The following KLHL18 variants were observed in gnomAD, a reference collection of about 807,000 sequenced individuals.
KLHL18 encodes kelch like family member 18.
Under a neutral mutation model 58.5 loss-of-function variants are expected in KLHL18, and 38 were observed. That is an observed-to-expected ratio of 0.65 (90% CI 0.50 to 0.85). The LOEUF (loss-of-function observed/expected upper bound fraction) is 0.85, where lower values mean the gene tolerates loss of function less well. KLHL18 is among the 40% of genes least tolerant of loss of function. The pLI is 0.00. For missense variants in KLHL18, 624 were observed against 778.4 expected (o/e 0.80, Z 2.36); for synonymous variants, 303 against 301.9 (o/e 1.00, Z -0.04).
intron 1 of KLHL18, among the ~76,000 whole-genome samples, chr3:47,312,428 C>T (rs1703323639): frequency 6.6e-6 from 1 of 152,062 alleles, no homozygotes; most frequent in Non-Finnish European, 1.5e-5. Flanking sequence ...GAGATGTATG[C>T]TAAATAGCCT....
chr3:47,318,048 CAG>C (rs1703496246), intron 1 of KLHL18, among the ~76,000 whole-genome samples: 1 of 152,014 alleles, frequency 6.6e-6, no homozygotes, highest in African/African-American at 2.4e-5. Flanking sequence ...ATTGTAGAGA[CAG>C]GGTTTCATCA....
At chr3:47,313,800 A>G (rs998323756) in intron 1 of KLHL18, among the ~76,000 whole-genome samples, 5 of 152,210 alleles carry the variant, frequency 3.3e-5, no homozygotes, top group African/African-American at 1.2e-4. Context: ...TTCCACCAGT[A>G]ACAACCTAAG....
intron 4 of KLHL18, among the ~76,000 whole-genome samples, chr3:47,331,121 G>T (rs1238181574): frequency 6.6e-6 from 1 of 151,928 alleles, no homozygotes; most frequent in African/African-American, 2.4e-5. Context: ...ATCAAGAGGG[G>T]TTGTTGTTTG....
chr3:47,303,116 A>G (rs369598938), intron 1 of KLHL18, among the ~76,000 whole-genome samples: 11 of 152,216 alleles, frequency 7.2e-5, no homozygotes, highest in African/African-American at 2.4e-4. Context: ...GTCATGTACA[A>G]CAGCTGAACA....
At chr3:47,318,960 G>T (rs1703520080) in intron 1 of KLHL18, among the ~76,000 whole-genome samples, 1 of 152,228 alleles carries the variant, frequency 6.6e-6, no homozygotes, top group African/African-American at 2.4e-5. Flanking sequence ...CTGGAGAATA[G>T]AAAGTTCTTA....
At chr3:47,343,143 A>G (rs1031923906) in intron 9 of KLHL18, among the ~76,000 whole-genome samples, 1 of 152,144 alleles carries the variant, frequency 6.6e-6, no homozygotes, top group Non-Finnish European at 1.5e-5. Context: ...AAATTTGCAA[A>G]CAGTTGTATT....
chr3:47,318,017 C>T (rs757089595), intron 1 of KLHL18, among the ~76,000 whole-genome samples: 24 of 151,990 alleles, frequency 1.6e-4, no homozygotes, highest in Non-Finnish European at 2.6e-4. Context: ...TACAGGCATG[C>T]GCCCACTAAT....
chr3:47,282,950 G>C lies in KLHL18; in HGVS notation c.-16G>C, dbSNP rs547823474. 6.2e-7 allele frequency: 1 copy of C among 1,605,324 alleles called. No homozygotes were observed. The highest frequency in any genetic ancestry group is 2.2e-5 in the East Asian group (1 of 44,482). On this transcript the variant is annotated 5_prime_UTR_variant, in exon 1 of 10. Coordinates refer to ENST00000232766, the MANE Select transcript of KLHL18 (RefSeq NM_025010.5). ...GCCGGCCGGCGAGGCCTGCGCAGTT[G>C]CAGCGGCCGGGGAAGATGGTGGAGG...
Position 47,301,805 on chromosome 3 carries a change from CTTCT to C in KLHL18, c.130-17845_130-17842del, listed in dbSNP as rs1178408125. Among the ~76,000 whole-genome samples, 5 of 152,124 alleles carry C rather than the reference CTTCT, an allele frequency of 3.3e-5. No homozygotes were observed. The East Asian group carries it at 7.7e-4, about 23-fold the overall frequency. ...ACTTTGTTTTGTTTTGTTTCTTCTT[CTTCT>C]TTTTGAGATAGGATGTTGCTCTGTC... On this transcript the variant is annotated intron_variant, in intron 1 of 9. Transcript: ENST00000232766.
chr3:47,303,614 G>A (rs1703072954), intron 1 of KLHL18, among the ~76,000 whole-genome samples: 1 of 152,216 alleles, frequency 6.6e-6, no homozygotes, highest in Admixed American at 6.5e-5. Flanking sequence ...TTATAGGCAA[G>A]CTCTCGTTCT....
Position 47,334,138 on chromosome 3 carries a change from A to AAG in KLHL18, c.762-545_762-544insAG, listed in dbSNP as rs1480379417. 6.6e-6 allele frequency among the ~76,000 whole-genome samples: 1 copy of AAG among 152,098 alleles called. No individual in the cohort carries two copies. Among genetic ancestry groups the AAG allele is most frequent in the African/African-American group, 2.4e-5 (1 of 41,430 alleles). On this transcript the variant is annotated intron_variant, in intron 5 of 9. Transcript: ENST00000232766. The surrounding 1 kb of genome is among the most constrained non-coding windows in gnomAD (Gnocchi z 4.7). ...TAGTGTCTGGAGGTAGCTAGGGCCC[A>AAG]GTGACCAGCGGTCTCAAGGGTGCTG... is the stretch of plus-strand genomic sequence containing the variant.
At chr3:47,326,129 G>A (rs1252005516) in intron 3 of KLHL18, among the ~76,000 whole-genome samples, 1 of 151,948 alleles carries the variant, frequency 6.6e-6, no homozygotes, top group Admixed American at 6.6e-5. Flanking sequence ...TGTATTTTTA[G>A]TAGAGATGGG....
chr3:47,334,836 C>G lies in KLHL18; in HGVS notation c.898+17C>G, dbSNP rs747191813. ...ACTCAGCAGGTACCTTGCGGCTCCC[C>G]TTTATAGACCCTCCTCTTGGACTCC... On this transcript the variant is annotated intron_variant, in intron 6 of 9. Transcript: ENST00000232766. This position sits in a 1 kb window ranked among gnomAD's most constrained non-coding sequence, Gnocchi z 4.7. 1 of 1,600,626 alleles carries G rather than the reference C, an allele frequency of 6.2e-7. No individual in the cohort carries two copies. Among genetic ancestry groups the G allele is most frequent in the Non-Finnish European group, 8.5e-7 (1 of 1,173,238 alleles).
intron 1 of KLHL18, 94 bp from the exon 2 acceptor site, chr3:47,319,559 G>A: frequency 7.2e-7 from 1 of 1,395,712 alleles, no homozygotes; most frequent in Non-Finnish European, 9.9e-7. Flanking sequence ...GGTATGCTGT[G>A]GAGCCGGGCG....
intron 1 of KLHL18, chr3:47,287,289 G>GT (rs1702695178): frequency 6.6e-6 from 1 of 152,144 alleles, no homozygotes; most frequent in Non-Finnish European, 1.5e-5. Flanking sequence ...CACTGCCTAC[G>GT]TTTGAGTTCT....
intron 3 of KLHL18, among the ~76,000 whole-genome samples, chr3:47,325,343 G>A (rs866581768): frequency 5.3e-5 from 8 of 152,158 alleles, no homozygotes; most frequent in Middle Eastern, 6.8e-3. Flanking sequence ...GACTACAGGC[G>A]CCTGCCACCA....
At chr3:47,307,929 A>G (rs769949646) in intron 1 of KLHL18, among the ~76,000 whole-genome samples, 19 of 151,948 alleles carry the variant, frequency 1.3e-4, no homozygotes, top group Admixed American at 2.6e-4. Context: ...ACAATTTCCT[A>G]ATTTCTATTG....
At chr3:47,300,305 ATATATG>A (rs1467735160) in intron 1 of KLHL18, among the ~76,000 whole-genome samples, 1 of 146,336 alleles carries the variant, frequency 6.8e-6, no homozygotes, top group Non-Finnish European at 1.5e-5. Context: ...ATATATATAT[ATATATG>A]TGTGTATATA....
intron 1 of KLHL18, among the ~76,000 whole-genome samples, chr3:47,318,009 C>A (rs1703495369): frequency 6.6e-6 from 1 of 152,124 alleles, no homozygotes; most frequent in South Asian, 2.1e-4. Flanking sequence ...GCTGGGATTA[C>A]AGGCATGCGC....
Sources: gnomAD v4.1 joint callset for allele counts (sites outside exome capture counted in the v4.1 genomes callset) on GRCh38, gnomAD v4.1.1 for gene constraint, Gnocchi (gnomAD v3.1) non-coding constraint, MANE v1.5 for transcripts, NCBI Gene and HGNC (gene_info 2026-07-23, HGNC 2026-07-21) for gene names.